The following GRIP1 variants were observed in gnomAD, a reference collection of about 807,000 sequenced individuals.
GRIP1 encodes the protein glutamate receptor-interacting protein 1.
In GRIP1, 45 loss-of-function variants were observed where a neutral mutation model predicts 129.9. The ratio of observed to expected loss-of-function variants is 0.35; its 90% confidence interval spans 0.27 to 0.44. GRIP1 has a LOEUF of 0.44. Among genes scored for constraint, GRIP1 ranks in the 20% least tolerant of loss-of-function variants. GRIP1 has a pLI of 1.00. For missense variants in GRIP1, 1,196 were observed against 1,396.8 expected (o/e 0.86, Z 2.29); for synonymous variants, 530 against 520.8 (o/e 1.02, Z -0.24).
At chr12:66,863,583 G>T (rs4526844) in intron 1 of GRIP1, among the ~76,000 whole-genome samples, 1 of 151,660 alleles carries the variant, frequency 6.6e-6, no homozygotes, top group Admixed American at 6.6e-5. Context: ...GGAAAAAGTC[G>T]GTGTAAATGT....
chr12:66,554,097 C>T (rs1399005999), intron 2 of GRIP1, among the ~76,000 whole-genome samples: 2 of 152,142 alleles, frequency 1.3e-5, no homozygotes, highest in East Asian at 1.9e-4. Flanking sequence ...GGAGTGCTTG[C>T]ACCACTCCTC....
At chr12:66,684,136 GC>G (rs2034690586), upstream of GRIP1, among the ~76,000 whole-genome samples, 1 of 152,130 alleles carries the variant, frequency 6.6e-6, no homozygotes, top group African/African-American at 2.4e-5. Flanking sequence ...AGCAGTAACA[GC>G]TTTTATTAGC....
At chr12:66,967,914 T>C (rs1054905071) in intron 1 of GRIP1, among the ~76,000 whole-genome samples, 2 of 152,196 alleles carry the variant, frequency 1.3e-5, no homozygotes, top group East Asian at 3.8e-4. Context: ...GATTCTGCTA[T>C]TGTTGGATGG....
chr12:66,803,423 A>G (rs899272643), intron 1 of GRIP1, among the ~76,000 whole-genome samples: 2 of 152,180 alleles, frequency 1.3e-5, no homozygotes, highest in Non-Finnish European at 2.9e-5. Context: ...ATAAAAGAAA[A>G]CTGCTAGTTC....
intron 7 of GRIP1, among the ~76,000 whole-genome samples, chr12:66,510,251 G>A (rs550150015): frequency 3.8e-4 from 58 of 152,104 alleles, no homozygotes; most frequent in African/African-American, 1.3e-3. Context: ...CTTGGCCTTC[G>A]TTCACTGTCT....
chr12:66,677,766 A>T (rs1184208293), intron 1 of GRIP1, among the ~76,000 whole-genome samples: 1 of 152,128 alleles, frequency 6.6e-6, no homozygotes, highest in Admixed American at 6.6e-5. Flanking sequence ...CTTTGTGCTC[A>T]TTCTTCTGCC....
intron 1 of GRIP1, among the ~76,000 whole-genome samples, chr12:66,976,473 T>C (rs1315412039): frequency 3.9e-5 from 6 of 152,238 alleles, no homozygotes; most frequent in Admixed American, 3.9e-4. Flanking sequence ...ACACCACTTA[T>C]CTTGTACATA....
At position 66,539,545 on chromosome 12, in the gene GRIP1, C is replaced by CTT. The variant is rs35373698; in HGVS notation, c.273-324_273-323dup. Reference sequence around the variant, plus strand: ...CACCATAAAACAAAATCAAGAGAAGCTTTTTTTTTTTTTTTTTTTTTTTTC... The same window carrying CTT: ...CACCATAAAACAAAATCAAGAGAAGCTTTTTTTTTTTTTTTTTTTTTTTTTTC... On this transcript the variant is annotated intron_variant, in intron 3 of 24. Transcript: ENST00000359742. Among the ~76,000 whole-genome samples the CTT allele has an allele frequency of 2.9e-4, 17 of 59,282 alleles. 1 individual carries two copies. The highest frequency in any genetic ancestry group is 1.2e-3 in the East Asian group (2 of 1,690). The allele number at this position is 59,282 out of a possible 152,430, so 38.9% of individuals were successfully genotyped here. A position where few individuals can be genotyped will look rare whatever the true frequency, so the allele number is the denominator to read the frequency against.
At chr12:66,971,164 T>G (rs2042070832) in intron 1 of GRIP1, among the ~76,000 whole-genome samples, 1 of 152,194 alleles carries the variant, frequency 6.6e-6, no homozygotes, top group African/African-American at 2.4e-5. Context: ...TTCCAGTTGC[T>G]TCTGCTGTAG....
chr12:66,582,386 G>A (rs985628528), intron 2 of GRIP1, among the ~76,000 whole-genome samples: 1 of 146,078 alleles, frequency 6.8e-6, no homozygotes, highest in Non-Finnish European at 1.5e-5. Context: ...ATTCAACATA[G>A]TGTTGGAAGT....
At chr12:66,752,235 G>C (rs144849888) in intron 1 of GRIP1, among the ~76,000 whole-genome samples, 459 of 152,208 alleles carry the variant, frequency 3.0e-3, no homozygotes, top group African/African-American at 0.01. Context: ...ATCATAGCTT[G>C]GAATGAATGA....
chr12:66,828,615 A>T (rs914518572), intron 1 of GRIP1, among the ~76,000 whole-genome samples: 1 of 152,168 alleles, frequency 6.6e-6, no homozygotes, highest in Non-Finnish European at 1.5e-5. Context: ...ATTTACCCTC[A>T]TCATTTTTCA....
chr12:66,530,676 T>C (rs563238859), intron 4 of GRIP1, among the ~76,000 whole-genome samples: 6 of 152,244 alleles, frequency 3.9e-5, no homozygotes, highest in African/African-American at 1.2e-4. Flanking sequence ...TTCTGTAAGA[T>C]TGCTTACAAG....
intron 1 of GRIP1, among the ~76,000 whole-genome samples, chr12:66,868,950 C>T (rs10784593): frequency 0.18 from 27,690 of 152,010 alleles, 3,574 homozygotes; most frequent in African/African-American, 0.37. Context: ...ATAATTCTAA[C>T]ACAGAATATG....
chr12:66,963,085 C>T (rs115492499), intron 1 of GRIP1, among the ~76,000 whole-genome samples: 3 of 151,836 alleles, frequency 2.0e-5, no homozygotes, highest in East Asian at 1.9e-4. Context: ...CCAAGGTGGG[C>T]GAGCTGCTTG....
At chr12:66,868,123 A>G (rs1033422226) in intron 1 of GRIP1, among the ~76,000 whole-genome samples, 3 of 152,168 alleles carry the variant, frequency 2.0e-5, no homozygotes, top group African/African-American at 7.2e-5. Context: ...GGTTCACTCA[A>G]ATTTAAGCAA....
chr12:66,681,403 C>A (rs1051199719), upstream of GRIP1, among the ~76,000 whole-genome samples: 3 of 152,134 alleles, frequency 2.0e-5, no homozygotes, highest in Admixed American at 2.0e-4. Context: ...AAAATGCCTT[C>A]CAACAATGCA....
chr12:66,626,335 A>T (rs934056140), intron 1 of GRIP1, among the ~76,000 whole-genome samples: 4 of 112,066 alleles, frequency 3.6e-5, no homozygotes, highest in African/African-American at 1.3e-4. Flanking sequence ...GTAAGACCCC[A>T]TCTCCAAAAA....
chr12:66,874,194 T>C (rs1205889069), intron 1 of GRIP1, among the ~76,000 whole-genome samples: 1 of 152,106 alleles, frequency 6.6e-6, no homozygotes, highest in African/African-American at 2.4e-5. Flanking sequence ...GAAGAAAATA[T>C]ACCCAGCATC....
Sources: gnomAD v4.1 joint callset for allele counts (sites outside exome capture counted in the v4.1 genomes callset) on GRCh38, gnomAD v4.1.1 for gene constraint, MANE v1.5 for transcripts, NCBI Gene and HGNC (gene_info 2026-07-23, HGNC 2026-07-21) for gene names.